WDR64: variants seen among roughly 807,000 people sequenced by gnomAD.
The protein encoded by WDR64 is WD repeat domain 64, also known as WD repeat-containing protein 64.
In WDR64, 112 loss-of-function variants were observed where a neutral mutation model predicts 139.3. The ratio of observed to expected loss-of-function variants is 0.80; its 90% CI spans 0.69 to 0.94. The LOEUF is 0.94. Ranked by LOEUF, WDR64 falls within the 40% of genes least tolerant of loss-of-function variation. WDR64 has a pLI of 0.00. For missense variants in WDR64, 1,206 were observed against 1,293.1 expected, an observed-to-expected ratio of 0.93 and a Z score of 1.03; for synonymous variants, 444 against 437.7, an observed-to-expected ratio of 1.01 and a Z score of -0.18.
chr1:241,701,294 ACT>A (rs1553367599), intron 8 of WDR64, among the ~76,000 whole-genome samples: 3 of 143,278 alleles, frequency 2.1e-5, no homozygotes, highest in East Asian at 1.9e-4. Flanking sequence ...ACACACACAC[ACT>A]CACACACACA....
chr1:241,688,758 T>C (rs1396686728), intron 8 of WDR64, among the ~76,000 whole-genome samples: 2 of 152,072 alleles, frequency 1.3e-5, no homozygotes, highest in East Asian at 1.9e-4. Context: ...TAAATTGTAA[T>C]GGACAAGTGC....
intron 4 of WDR64, chr1:241,676,314 TTAAG>T (rs1157640538): frequency 1.3e-5 from 2 of 152,336 alleles, no homozygotes; most frequent in African/African-American, 4.8e-5. Flanking sequence ...TTCTTGCTGT[TTAAG>T]TGAGTTAATA....
intron 1 of WDR64, among the ~76,000 whole-genome samples, chr1:241,654,112 CT>C (rs1251575013): frequency 3.3e-5 from 5 of 152,180 alleles, no homozygotes; most frequent in African/African-American, 1.2e-4. Flanking sequence ...TCAAACCCCC[CT>C]TTTCCACTTC....
intron 10 of WDR64, among the ~76,000 whole-genome samples, chr1:241,735,442 G>A (rs1022205717): frequency 2.0e-5 from 3 of 150,750 alleles, no homozygotes; most frequent in African/African-American, 4.9e-5. Context: ...TTCCAACTCC[G>A]AAGTTCTTGA....
chr1:241,671,383 A>G (rs1028131638), intron 3 of WDR64, among the ~76,000 whole-genome samples: 5 of 152,182 alleles, frequency 3.3e-5, no homozygotes, highest in Non-Finnish European at 4.4e-5. Flanking sequence ...AATTTCTTTG[A>G]AGGACACTAA....
intron 22 of WDR64, among the ~76,000 whole-genome samples, chr1:241,782,549 G>A (rs1031906513): frequency 2.4e-4 from 37 of 152,196 alleles, no homozygotes; most frequent in African/African-American, 8.9e-4. Context: ...CACAGGGGGT[G>A]TGAGTGCAGA....
At chr1:241,758,113 A>T (rs1670276923) in intron 15 of WDR64, among the ~76,000 whole-genome samples, 1 of 152,144 alleles carries the variant, frequency 6.6e-6, no homozygotes, top group South Asian at 2.1e-4. Flanking sequence ...TGGACAGTTG[A>T]CGCCATAGTT....
At chr1:241,750,504 AT>A (rs1669939149) in intron 14 of WDR64, among the ~76,000 whole-genome samples, 1 of 152,210 alleles carries the variant, frequency 6.6e-6, no homozygotes, top group Non-Finnish European at 1.5e-5. Context: ...GTAATCCAAA[AT>A]GGCACTGTAG....
chr1:241,757,595 A>G (rs7533124), intron 15 of WDR64, 136 bp downstream of exon 15: 89,167 of 628,350 alleles, frequency 0.14, 7,497 homozygotes, highest in African/African-American at 0.19. Context: ...TCTGTATATG[A>G]CCAAACTTAC....
intron 9 of WDR64, among the ~76,000 whole-genome samples, chr1:241,714,221 CACAA>C (rs1274731333): frequency 6.6e-6 from 1 of 152,092 alleles, no homozygotes; most frequent in African/African-American, 2.4e-5. Context: ...AAAACAGAAA[CACAA>C]ACAAACATCA....
chr1:241,791,201 G>A (rs1364613718), intron 25 of WDR64, among the ~76,000 whole-genome samples: 4 of 151,998 alleles, frequency 2.6e-5, no homozygotes, highest in African/African-American at 4.8e-5. Flanking sequence ...CATGAGAATC[G>A]CTTGAACCCA....
chr1:241,737,185 A>T (rs901831256), intron 10 of WDR64, among the ~76,000 whole-genome samples: 2 of 152,230 alleles, frequency 1.3e-5, no homozygotes, highest in Non-Finnish European at 2.9e-5. Context: ...TGGCATTTTC[A>T]CTAGAACAAA....
intron 8 of WDR64, among the ~76,000 whole-genome samples, chr1:241,706,357 G>A (rs757155734): frequency 9.9e-5 from 15 of 152,238 alleles, no homozygotes; most frequent in Non-Finnish European, 1.9e-4. Flanking sequence ...ATTTGCTGTT[G>A]GGGCGAGGTG....
At chr1:241,734,513 TATTA>T (rs536026877) in intron 10 of WDR64, among the ~76,000 whole-genome samples, 7 of 152,308 alleles carry the variant, frequency 4.6e-5, no homozygotes, top group African/African-American at 1.4e-4. Context: ...CTGTCCTATT[TATTA>T]ATTGATTTAT....
At chr1:241,698,839 A>G (rs1374298033) in intron 8 of WDR64, among the ~76,000 whole-genome samples, 1 of 152,174 alleles carries the variant, frequency 6.6e-6, no homozygotes, top group Non-Finnish European at 1.5e-5. Context: ...CGCTGCTACA[A>G]GGACATACCC....
chr1:241,720,650 G>C lies in WDR64; in HGVS notation c.1055-2647G>C, dbSNP rs1171502298. Reference sequence around the variant, plus strand: ...CTTTTGTTCACTTTTTAATGGGGTAGTTTTTGTTCTAGTAAATTTGTTTAA... The same window carrying C: ...CTTTTGTTCACTTTTTAATGGGGTACTTTTTGTTCTAGTAAATTTGTTTAA... On this transcript the variant is annotated intron_variant, in intron 9 of 27. Transcript: ENST00000437684. Among the ~76,000 whole-genome samples, 4 of 152,156 alleles carry C rather than the reference G, an allele frequency of 2.6e-5. No homozygotes were observed. The East Asian group carries it at 7.7e-4, about 29-fold the overall frequency.
intron 6 of WDR64, among the ~76,000 whole-genome samples, chr1:241,682,381 G>T (rs1324902433): frequency 6.6e-6 from 1 of 152,140 alleles, no homozygotes; most frequent in Admixed American, 6.5e-5. Context: ...GTTGAATAGG[G>T]TGTCCTTTTC....
At position 241,796,164 on chromosome 1, in the gene WDR64, C is replaced by G. The variant is rs755460706; in HGVS notation, c.3079-93C>G. The G allele has an allele frequency of 3.6e-5, 24 of 664,156 alleles. No homozygotes were observed. The African/African-American group carries it at 3.9e-4, about 11-fold the overall frequency. The allele number at this position is 664,156 out of a possible 1,614,324, so 41.1% of individuals were successfully genotyped here. ...AAGGGGGGTGTGTATTTTGAAGCAG[C>G]TGGGCCTTCTCACTCCTCATCCCAA... On this transcript the variant is annotated intron_variant, in intron 26 of 27. Coordinates refer to ENST00000437684, the MANE Select transcript of WDR64 (RefSeq NM_001367482.1).
At chr1:241,698,382 G>C (rs2148139570) in intron 8 of WDR64, among the ~76,000 whole-genome samples, 1 of 151,980 alleles carries the variant, frequency 6.6e-6, no homozygotes, top group Admixed American at 6.6e-5. Flanking sequence ...TCACTCTCCT[G>C]GCCCTTATCT....
Sources: allele counts gnomAD v4.1 joint callset (sites outside exome capture counted in the v4.1 genomes callset), GRCh38; gene constraint gnomAD v4.1.1; transcripts MANE v1.5; gene names NCBI Gene and HGNC (gene_info 2026-07-23, HGNC 2026-07-21).